PDE4C: variants seen among roughly 807,000 people sequenced by gnomAD.
PDE4C encodes the protein phosphodiesterase 4C.
A neutral mutation model predicts 63.9 loss-of-function variants in PDE4C; 50 were observed. That is an observed-to-expected ratio of 0.78 (90% CI 0.62 to 0.99). The LOEUF (loss-of-function observed/expected upper bound fraction) is 0.99, where lower values mean the gene tolerates loss of function less well. Among genes scored for constraint, PDE4C ranks in the 50% least tolerant of loss-of-function variants. The probability of loss-of-function intolerance (pLI) is 0.00; values close to 1 mark genes in which losing one functional copy is unlikely to be tolerated. For synonymous variants in PDE4C, 377 were observed against 385.1 expected (o/e 0.98, Z 0.25); for missense variants, 777 against 899.1 (o/e 0.86, Z 1.74).
At chr19:18,254,247 G>T in the PDE4C span, among the ~76,000 whole-genome samples, 1 of 152,210 alleles carries the variant, frequency 6.6e-6, no homozygotes, top group Admixed American at 6.5e-5. Flanking sequence ...CTGAAATGAA[G>T]ATGATTCAGA....
At chr19:18,251,380 C>T (rs542026476), upstream of PDE4C, among the ~76,000 whole-genome samples, 16 of 151,612 alleles carry the variant, frequency 1.1e-4, no homozygotes, top group African/African-American at 3.6e-4. Context: ...CCCACCTTGG[C>T]CTCCCAAAGT....
chr19:18,234,882 G>A (rs1968923606), upstream of PDE4C, among the ~76,000 whole-genome samples: 1 of 152,146 alleles, frequency 6.6e-6, no homozygotes, highest in Non-Finnish European at 1.5e-5. Context: ...ATGCTTGGGT[G>A]GTTCAGTCCC....
At chr19:18,248,962 T>C (rs1318157186), upstream of PDE4C, among the ~76,000 whole-genome samples, 1 of 150,334 alleles carries the variant, frequency 6.7e-6, no homozygotes, top group Non-Finnish European at 1.5e-5. Flanking sequence ...GAGGCAGAGG[T>C]TGCAGTGAGC....
intron 1 of PDE4C, among the ~76,000 whole-genome samples, chr19:18,244,575 C>T (rs1969098845): frequency 1.3e-5 from 2 of 152,092 alleles, no homozygotes; most frequent in South Asian, 4.1e-4. Flanking sequence ...TGCAATGACG[C>T]GATCTTGGCT....
At chr19:18,244,782 G>A (rs966896068) in intron 1 of PDE4C, among the ~76,000 whole-genome samples, 1 of 151,338 alleles carries the variant, frequency 6.6e-6, no homozygotes, top group Admixed American at 6.6e-5. Context: ...ACACTGCTAG[G>A]ATTACAGGCA....
intron 1 of PDE4C, among the ~76,000 whole-genome samples, chr19:18,223,756 C>G (rs1216165710): frequency 6.6e-6 from 1 of 152,250 alleles, no homozygotes; most frequent in Non-Finnish European, 1.5e-5. Context: ...AAGGGACAAA[C>G]TGAGATCTAG....
chr19:18,247,139 T>C (rs1465447824), intron 1 of PDE4C, among the ~76,000 whole-genome samples: 1 of 152,002 alleles, frequency 6.6e-6, no homozygotes, highest in Admixed American at 6.5e-5. Context: ...CTTGGGTGAG[T>C]CAAAACCTTG....
upstream of PDE4C, among the ~76,000 whole-genome samples, chr19:18,227,685 G>A (rs1568675342): frequency 6.6e-6 from 1 of 152,158 alleles, no homozygotes; most frequent in African/African-American, 2.4e-5. Context: ...ACAGGCAGAG[G>A]CCCAGGGGAC....
chr19:18,219,299 T>C, exon 8 of PDE4C: 1 of 1,614,174 alleles, frequency 6.2e-7, no homozygotes, highest in African/African-American at 1.3e-5. Context: ...GAGGAGAGGC[T>C]GGCACTGTGG....
chr19:18,209,548 C>T (rs1296898978), downstream of PDE4C: 2 of 151,978 alleles, frequency 1.3e-5, no homozygotes, highest in Non-Finnish European at 2.9e-5. Context: ...CGCACCCAGC[C>T]TCTAATTTTT....
upstream of PDE4C, among the ~76,000 whole-genome samples, chr19:18,229,004 C>A (rs185945623): frequency 4.5e-4 from 68 of 152,104 alleles, 1 homozygote; most frequent in South Asian, 0.013. Context: ...GGCACAATCT[C>A]GGCTCACTGA....
In PDE4C at chr19:18,220,484, C is replaced by T. The variant is rs766518787; in HGVS notation, c.531G>A (p.Thr177=). 10 of 1,614,144 alleles carry T rather than the reference C, an allele frequency of 6.2e-6. No homozygotes were observed. The Admixed American group carries it at 8.3e-5, about 13-fold the overall frequency. The change falls in exon 6 of 15, where the codon ACG becomes ACA. Residue 177 remains threonine, a synonymous_variant. Transcript: ENST00000262805. This position sits in a 1 kb window ranked among gnomAD's most constrained non-coding sequence, Gnocchi z 5.1. ...CCAGGCACCAGTCCAGCTCGTCTAG[C>T]GTCTCCAATGCCAGCTTCTGCCCCG...
upstream of PDE4C, among the ~76,000 whole-genome samples, chr19:18,227,547 A>G (rs1194947959): frequency 6.6e-6 from 1 of 152,192 alleles, no homozygotes; most frequent in African/African-American, 2.4e-5. Flanking sequence ...GAGGATTCCC[A>G]GAGTCTGTAC....
At chr19:18,230,879 A>G (rs564108710), upstream of PDE4C, among the ~76,000 whole-genome samples, 181 of 152,260 alleles carry the variant, frequency 1.2e-3, 2 homozygotes, top group African/African-American at 3.9e-3. Flanking sequence ...TGCGTCTCCA[A>G]CACAGGGCCT....
At position 18,222,700 on chromosome 19, in the gene PDE4C, C is replaced by CTTTTT. The variant is rs1199712120; in HGVS notation, c.147-382_147-378dup. On this transcript the variant is annotated intron_variant, in intron 1 of 14. Transcript: ENST00000262805. The stretch of plus-strand genomic sequence containing the variant: ...CTCTCTCTCTCTCGCCCTTTCTTTT[C>CTTTTT]TTTTTTTTTTTTTTTTTTTGACAGG... Among the ~76,000 whole-genome samples, 14 of 53,360 alleles carry CTTTTT rather than the reference C, an allele frequency of 2.6e-4. 3 individuals are homozygous for CTTTTT. Among genetic ancestry groups the CTTTTT allele is most frequent in the Non-Finnish European group, 3.7e-4 (12 of 32,358 alleles). 35.0% of individuals were successfully genotyped at this position (53,360 alleles called of 152,430 possible).
chr19:18,213,145 G>T (rs988349066), intron 13 of PDE4C, among the ~76,000 whole-genome samples: 1 of 151,330 alleles, frequency 6.6e-6, no homozygotes, highest in Non-Finnish European at 1.5e-5. Flanking sequence ...TTAGCTGGGC[G>T]CGGTGCCGGG....
At chr19:18,233,828 C>T (rs1968902036), upstream of PDE4C, among the ~76,000 whole-genome samples, 3 of 152,162 alleles carry the variant, frequency 2.0e-5, no homozygotes, top group Admixed American at 6.5e-5. Flanking sequence ...TCAACCTTCC[C>T]CAGCAACAAT....
intron 11 of PDE4C, chr19:18,217,238 C>A: frequency 5.7e-6 from 1 of 175,146 alleles, no homozygotes; most frequent in South Asian, 1.5e-4. Context: ...AATCACGGTT[C>A]CCTGCAGCCT....
chr19:18,226,256 C>G lies in PDE4C; in HGVS notation c.146+14G>C. 6.4e-7 allele frequency: 1 copy of G among 1,551,900 alleles called. No individual in the cohort carries two copies. Among genetic ancestry groups the G allele is most frequent in the South Asian group, 1.2e-5 (1 of 84,890 alleles). On this transcript the variant is annotated intron_variant, in intron 1 of 14. Coordinates refer to ENST00000262805, the Ensembl canonical transcript of PDE4C. The stretch of plus-strand genomic sequence containing the variant: ...CGTCCCGGTGACCCCGCCAGGCCCT[C>G]TGTCCAGCCTCACCACAGCGGATGG...
Sources: allele counts gnomAD v4.1 joint callset (sites outside exome capture counted in the v4.1 genomes callset), GRCh38; gene constraint gnomAD v4.1.1; non-coding constraint Gnocchi (gnomAD v3.1); transcripts MANE v1.5; gene names NCBI Gene and HGNC (gene_info 2026-07-23, HGNC 2026-07-21).